Variants in RBFOX1 observed in about 807,000 individuals in gnomAD.
The protein encoded by RBFOX1 is RNA binding fox-1 homolog 1, also known as RNA binding protein fox-1 homolog 1.
In RBFOX1, 8 loss-of-function variants were observed where a neutral mutation model predicts 57.7. The observed-to-expected ratio is 0.14, with a 90% confidence interval of 0.08 to 0.25. The LOEUF is 0.25. RBFOX1 is among the 10% of genes least tolerant of loss of function. The probability of loss-of-function intolerance (pLI) is 1.00; values close to 1 mark genes in which losing one functional copy is unlikely to be tolerated. For missense variants in RBFOX1, 611 were observed against 548.5 expected, an observed-to-expected ratio of 1.11 and a Z score of -1.14; for synonymous variants, 326 against 222.4, an observed-to-expected ratio of 1.47 and a Z score of -4.15.
intron 14 of RBFOX1, among the ~76,000 whole-genome samples, chr16:7,677,195 A>G (rs8057848): frequency 0.95 from 143,868 of 151,208 alleles, 68,876 homozygotes; most frequent in Non-Finnish European, 1. Context: ...ACATAAGACC[A>G]CGGTTTCATC....
At chr16:6,999,077 C>A (rs960877337) in intron 3 of RBFOX1, among the ~76,000 whole-genome samples, 2 of 150,898 alleles carry the variant, frequency 1.3e-5, no homozygotes, top group Non-Finnish European at 3.0e-5. Context: ...CCATGTTGGC[C>A]AAGTTGGTCT....
At chr16:5,896,995 C>A (rs11859411) in intron 4 of RBFOX1, among the ~76,000 whole-genome samples, 2 of 146,856 alleles carry the variant, frequency 1.4e-5, no homozygotes, top group East Asian at 2.0e-4. Flanking sequence ...CTCCACCCCC[C>A]ACTAAAAATG....
intron 4 of RBFOX1, among the ~76,000 whole-genome samples, chr16:7,070,637 A>AT (rs2057136720): frequency 6.6e-6 from 1 of 152,168 alleles, no homozygotes; most frequent in South Asian, 2.1e-4. Context: ...TTGCTCCTAA[A>AT]TGTTCTAATG....
chr16:6,696,693 A>AT (rs56037111), intron 3 of RBFOX1, among the ~76,000 whole-genome samples: 1 of 151,590 alleles, frequency 6.6e-6, no homozygotes, highest in African/African-American at 2.4e-5. Context: ...CTCAAAGGAG[A>AT]TTTTTTTTTT....
At chr16:6,070,556 G>T (rs61049035) in intron 1 of RBFOX1, among the ~76,000 whole-genome samples, 21,394 of 152,068 alleles carry the variant, frequency 0.14, 2,208 homozygotes, top group East Asian at 0.35. Flanking sequence ...GTCACAGAAA[G>T]TAACACAGAA....
intron 2 of RBFOX1, among the ~76,000 whole-genome samples, chr16:6,628,351 C>G (rs555947184): frequency 6.6e-6 from 1 of 152,106 alleles, no homozygotes; most frequent in Non-Finnish European, 1.5e-5. Context: ...GTCCCAACAG[C>G]AGGATGTGAT....
chr16:5,647,228 G>A lies in RBFOX1; in HGVS notation c.318+48267G>A, dbSNP rs552466887. Among the ~76,000 whole-genome samples, 5 of 152,334 alleles carry A rather than the reference G, an allele frequency of 3.3e-5. No individual in the cohort carries two copies. In the East Asian group the frequency reaches 7.7e-4, roughly 24 times the overall value. On this transcript the variant is annotated intron_variant, in intron 3 of 19. Coordinates refer to the RBFOX1 transcript ENST00000641259. The stretch of plus-strand genomic sequence containing the variant: ...AACCCCAGGTTTATGAAGCAAAACA[G>A]TGAGGCAACAGGAGGTGAGGTCATT...
In RBFOX1 at chr16:7,373,848, A is replaced by T. The variant is rs188711138; in HGVS notation, c.28-144299A>T. The stretch of plus-strand genomic sequence containing the variant: ...AGATGGACACATTCACGTTTTAAAG[A>T]TGCTCAGCTTCTCGTGAGAGAGAGT... On this transcript the variant is annotated intron_variant, in intron 4 of 15. Coordinates refer to ENST00000550418, the MANE Select transcript of RBFOX1 (RefSeq NM_018723.4). 2.1e-4 allele frequency among the ~76,000 whole-genome samples: 32 copies of T among 152,316 alleles called. No individual in the cohort carries two copies. In the East Asian group the frequency reaches 5.8e-3, roughly 28 times the overall value.
intron 1 of RBFOX1, among the ~76,000 whole-genome samples, chr16:5,354,042 A>G (rs867096296): frequency 2.7e-5 from 4 of 148,832 alleles, no homozygotes; most frequent in Non-Finnish European, 6.0e-5. Context: ...AATACTTACA[A>G]TTCCTTTCCA....
intron 1 of RBFOX1, among the ~76,000 whole-genome samples, chr16:6,051,949 A>G (rs766519337): frequency 6.6e-6 from 1 of 152,024 alleles, no homozygotes; most frequent in Non-Finnish European, 1.5e-5. Flanking sequence ...TCAGAGCCCT[A>G]CACTCCCTCA....
intron 1 of RBFOX1, among the ~76,000 whole-genome samples, chr16:6,247,870 G>A (rs2152938459): frequency 6.6e-6 from 1 of 152,272 alleles, no homozygotes; most frequent in East Asian, 1.9e-4. Context: ...GGAAAGCAGT[G>A]GCCACATTGT....
chr16:5,908,123 C>CATAT (rs368543380), intron 4 of RBFOX1, among the ~76,000 whole-genome samples: 2 of 128,522 alleles, frequency 1.6e-5, no homozygotes, highest in African/African-American at 6.1e-5. Flanking sequence ...CATATATACA[C>CATAT]ATATATATAT....
At chr16:5,284,791 T>G (rs1241280879) in intron 1 of RBFOX1, among the ~76,000 whole-genome samples, 2 of 138,248 alleles carry the variant, frequency 1.4e-5, no homozygotes, top group Non-Finnish European at 3.2e-5. Context: ...TTACTTGTAG[T>G]ATACAGACCC....
intron 2 of RBFOX1, among the ~76,000 whole-genome samples, chr16:6,339,966 C>T (rs186301476): frequency 7.2e-5 from 11 of 152,182 alleles, no homozygotes; most frequent in South Asian, 2.1e-4. Flanking sequence ...CATGAGCCAC[C>T]GTGCCCAGCC....
chr16:5,474,832 T>C (rs758884094), intron 2 of RBFOX1, among the ~76,000 whole-genome samples: 1 of 152,228 alleles, frequency 6.6e-6, no homozygotes, highest in Non-Finnish European at 1.5e-5. Context: ...TGGCCAAATA[T>C]TGTCCCGTAC....
At chr16:6,813,226 T>C (rs1268660485) in intron 3 of RBFOX1, among the ~76,000 whole-genome samples, 3 of 152,132 alleles carry the variant, frequency 2.0e-5, no homozygotes, top group African/African-American at 7.2e-5. Flanking sequence ...ATTACTGAAA[T>C]TTACACTTCT....
intron 1 of RBFOX1, among the ~76,000 whole-genome samples, chr16:6,210,275 G>A (rs569074584): frequency 5.7e-5 from 8 of 139,202 alleles, no homozygotes; most frequent in East Asian, 4.5e-4. Flanking sequence ...CTGAGATCAC[G>A]CATTGCATTC....
At chr16:5,853,263 C>A (rs1158428984) in intron 3 of RBFOX1, among the ~76,000 whole-genome samples, 2 of 152,128 alleles carry the variant, frequency 1.3e-5, no homozygotes, top group African/African-American at 4.8e-5. Flanking sequence ...CCGGGTCTTC[C>A]AGCCAGACAA....
intron 11 of RBFOX1, among the ~76,000 whole-genome samples, chr16:7,640,651 G>C (rs1467555714): frequency 6.6e-6 from 1 of 152,164 alleles, no homozygotes; most frequent in Non-Finnish European, 1.5e-5. Context: ...AATTATTCTG[G>C]GGGAATTCCC....
Sources: allele counts gnomAD v4.1 joint callset (sites outside exome capture counted in the v4.1 genomes callset), GRCh38; gene constraint gnomAD v4.1.1; transcripts MANE v1.5; gene names NCBI Gene and HGNC (gene_info 2026-07-23, HGNC 2026-07-21).